NFIA: variants seen among roughly 807,000 people sequenced by gnomAD.
NFIA encodes nuclear factor I A, also known as nuclear factor 1 A-type.
A neutral mutation model predicts 62.8 loss-of-function variants in NFIA; 8 were observed. The ratio of observed to expected loss-of-function variants is 0.13; its 90% CI spans 0.07 to 0.23. The LOEUF (loss-of-function observed/expected upper bound fraction) is 0.23. Ranked by LOEUF, NFIA falls within the 10% of genes least tolerant of loss-of-function variation. The pLI, the probability that NFIA is intolerant of heterozygous loss-of-function variation, is 1.00. For missense variants in NFIA, 410 were observed against 642.1 expected, an observed-to-expected ratio of 0.64 and a Z score of 3.91; for synonymous variants, 235 against 238.1, an observed-to-expected ratio of 0.99 and a Z score of 0.12.
rs754831453 is a variant in NFIA at position 61,359,182 on chromosome 1, T to C, written c.854T>C (p.Met285Thr). The change falls in exon 6 of 11, where the codon ATG becomes ACG. Residue 285 changes from methionine to threonine, a missense_variant. Physicochemically the swap from Met to Thr is moderately conservative, Grantham distance 81. This residue lies in a region of NFIA where 298 missense variants were observed against 438.1 expected (regional missense o/e 0.68). Transcript: ENST00000403491. ...CGCCTCAAGTCTGTGGAGGATGAAA[T>C]GGACAGTCCTGGTGAGGAGCCATTT... ...TKRLKSVEDE[M>T]DSPGEEPFYT... The C allele has an allele frequency of 6.2e-7, 1 of 1,613,282 alleles. No homozygotes were observed. The highest frequency in any genetic ancestry group is 1.1e-5 in the South Asian group (1 of 91,030).
chr1:61,276,011 TATA>T (rs1657783820), intron 2 of NFIA, among the ~76,000 whole-genome samples: 1 of 152,192 alleles, frequency 6.6e-6, no homozygotes, highest in African/African-American at 2.4e-5. Context: ...GTTTTTGGCA[TATA>T]ATAATACATT....
rs141976144 is a variant in NFIA at position 61,308,996 on chromosome 1, C to T, written c.626-23516C>T. Among the ~76,000 whole-genome samples, 103 of 152,322 alleles carry T rather than the reference C, an allele frequency of 6.8e-4. 2 individuals carry two copies. Among genetic ancestry groups the T allele is most frequent in the East Asian group, 4.2e-3 (22 of 5,180 alleles). On this transcript the variant is annotated intron_variant, in intron 3 of 10. Transcript: ENST00000403491. ...CCATGCCATCATTTAGTAACCTACA[C>T]TGTAGGGCTAAGATCTCAATCCGTT...
intron 9 of NFIA, among the ~76,000 whole-genome samples, chr1:61,420,736 G>A (rs1031894060): frequency 6.6e-6 from 1 of 152,206 alleles, no homozygotes; most frequent in Admixed American, 6.5e-5. Context: ...GGGAACACAT[G>A]AAGGTGCATC....
chr1:61,144,848 A>C (rs183259280), intron 2 of NFIA, among the ~76,000 whole-genome samples: 27 of 152,302 alleles, frequency 1.8e-4, no homozygotes, highest in Admixed American at 1.3e-3. Context: ...CAAGGTCTGC[A>C]GCTACTTAAT....
intron 2 of NFIA, among the ~76,000 whole-genome samples, chr1:61,220,529 C>CT (rs1653950322): frequency 6.6e-6 from 1 of 152,222 alleles, no homozygotes; most frequent in Non-Finnish European, 1.5e-5. Flanking sequence ...ATTAGAGACA[C>CT]TATCATTGCT....
chr1:61,324,236 C>T (rs1425146469), intron 3 of NFIA, among the ~76,000 whole-genome samples: 1 of 152,314 alleles, frequency 6.6e-6, no homozygotes, highest in Non-Finnish European at 1.5e-5. Context: ...CAGACCTGCA[C>T]AGCACAGGCA....
chr1:61,322,586 G>A (rs749486379), intron 3 of NFIA, among the ~76,000 whole-genome samples: 81 of 151,952 alleles, frequency 5.3e-4, no homozygotes, highest in Middle Eastern at 3.4e-3. Context: ...TATCACTTGC[G>A]TTCACTTTCT....
At position 61,406,704 on chromosome 1, in the gene NFIA, G is replaced by A. The variant is rs779933184; in HGVS notation, c.1397G>A (p.Gly466Asp). The change falls in exon 9 of 11, where the codon GGT becomes GAT. Residue 466 changes from glycine to aspartate, a missense_variant. Gly to Asp is a moderately conservative substitution (Grantham distance 94). Transcript: ENST00000403491. ...TKPPTTSTEG[G>D]AASPTSPTYS... Reference sequence around the variant, plus strand: ...CCTCCAACCACGTCAACAGAAGGAGGTGCAGCCTCCCCCACGTCACCAAGT... The same window carrying A: ...CCTCCAACCACGTCAACAGAAGGAGATGCAGCCTCCCCCACGTCACCAAGT... The A allele has an allele frequency of 6.2e-7, 1 of 1,611,444 alleles. No homozygotes were observed. The highest frequency in any genetic ancestry group is 1.1e-5 in the South Asian group (1 of 90,284).
chr1:61,232,356 ATATATAT>A (rs1224671598), intron 2 of NFIA, among the ~76,000 whole-genome samples: 2 of 152,178 alleles, frequency 1.3e-5, no homozygotes, highest in African/African-American at 4.8e-5. Flanking sequence ...AAATTAAGCC[ATATATAT>A]TATATATGTA....
chr1:61,220,280 G>T (rs1653937091), intron 2 of NFIA, among the ~76,000 whole-genome samples: 1 of 152,026 alleles, frequency 6.6e-6, no homozygotes, highest in Admixed American at 6.5e-5. Flanking sequence ...TGTTCATATT[G>T]CCTCCCTATC....
chr1:61,331,031 T>C (rs1661275787), intron 3 of NFIA, among the ~76,000 whole-genome samples: 2 of 152,220 alleles, frequency 1.3e-5, no homozygotes, highest in South Asian at 4.1e-4. Flanking sequence ...TTCTCAGTTC[T>C]CTTAATCTAA....
chr1:61,362,182 C>A (rs1663334090), intron 6 of NFIA, among the ~76,000 whole-genome samples: 1 of 151,994 alleles, frequency 6.6e-6, no homozygotes, highest in Non-Finnish European at 1.5e-5. Flanking sequence ...ACAGAGAGCA[C>A]CTTTATGTTG....
intron 2 of NFIA, among the ~76,000 whole-genome samples, chr1:61,169,545 C>T (rs1263783880): frequency 6.6e-6 from 1 of 152,182 alleles, no homozygotes; most frequent in East Asian, 1.9e-4. Flanking sequence ...AATTACCTTA[C>T]CTACTTTTTG....
chr1:61,235,767 A>G (rs1654972298), intron 2 of NFIA, among the ~76,000 whole-genome samples: 1 of 149,600 alleles, frequency 6.7e-6, no homozygotes, highest in South Asian at 2.1e-4. Flanking sequence ...GAGCTGTGAT[A>G]GTGCCACTGC....
rs577635334 is a variant in NFIA at position 61,088,745 on chromosome 1, G to A, written c.559+65G>A. On this transcript the variant is annotated intron_variant, in intron 2 of 10. Transcript: ENST00000403491. This position sits in a 1 kb window ranked among gnomAD's most constrained non-coding sequence, Gnocchi z 4.5. ...GTGTTTCTTTCCTGATGGCCTCCGC[G>A]TTATGCCGGATTCTTCCTGAGCTCC... The A allele has an allele frequency of 9.8e-6, 15 of 1,524,240 alleles. No individual in the cohort carries two copies. The highest frequency in any genetic ancestry group is 4.1e-5 in the African/African-American group (3 of 72,650). 94.4% of individuals were successfully genotyped at this position (1,524,240 alleles called of 1,614,324 possible). A position where few individuals can be genotyped will look rare whatever the true frequency, so the allele number is the denominator to read the frequency against.
At chr1:61,297,723 C>T (rs1403274163) in intron 3 of NFIA, among the ~76,000 whole-genome samples, 1 of 151,996 alleles carries the variant, frequency 6.6e-6, no homozygotes, top group Non-Finnish European at 1.5e-5. Context: ...CAGGTTTGCA[C>T]CTAATAACAA....
At chr1:61,220,974 C>T (rs955298776) in intron 2 of NFIA, among the ~76,000 whole-genome samples, 1 of 152,114 alleles carries the variant, frequency 6.6e-6, no homozygotes, top group African/African-American at 2.4e-5. Flanking sequence ...ACAATCATAG[C>T]TTTAATTCAT....
intron 6 of NFIA, among the ~76,000 whole-genome samples, chr1:61,380,438 T>G (rs928823067): frequency 1.3e-5 from 2 of 152,182 alleles, no homozygotes; most frequent in African/African-American, 4.8e-5. Flanking sequence ...CAGTTGTGCA[T>G]AAATAATTGG....
chr1:61,155,902 C>T (rs1307205345), intron 2 of NFIA, among the ~76,000 whole-genome samples: 9 of 152,140 alleles, frequency 5.9e-5, no homozygotes, highest in South Asian at 4.2e-4. Context: ...TTTGGGAGGC[C>T]GAGGTGGATG....
Sources: allele counts gnomAD v4.1 joint callset (sites outside exome capture counted in the v4.1 genomes callset), GRCh38; gene constraint gnomAD v4.1.1; regional missense constraint gnomAD v4.1.1; non-coding constraint Gnocchi (gnomAD v3.1); transcripts MANE v1.5; gene names NCBI Gene and HGNC (gene_info 2026-07-23, HGNC 2026-07-21).